The following EHBP1 variants were observed in gnomAD, a reference collection of about 807,000 sequenced individuals.
The protein encoded by EHBP1 is EH domain binding protein 1, also known as EH domain-binding protein 1.
In EHBP1, 55 loss-of-function variants were observed where a neutral mutation model predicts 144.0. The ratio of observed to expected loss-of-function variants is 0.38; its 90% confidence interval spans 0.31 to 0.48. EHBP1 has a LOEUF of 0.48. Ranked by LOEUF, EHBP1 falls within the 20% of genes least tolerant of loss-of-function variation. The pLI is 0.98. For missense variants in EHBP1, 1,200 were observed against 1,364.2 expected (o/e 0.88, Z 1.90); for synonymous variants, 469 against 472.7 (o/e 0.99, Z 0.10).
intron 7 of EHBP1, among the ~76,000 whole-genome samples, chr2:62,847,847 G>A (rs978053087): frequency 6.6e-6 from 1 of 151,948 alleles, no homozygotes; most frequent in African/African-American, 2.4e-5. Flanking sequence ...ACAAAGATTT[G>A]GACATATGGT....
chr2:62,686,465 C>A (rs989593648), intron 1 of EHBP1, among the ~76,000 whole-genome samples: 5 of 152,128 alleles, frequency 3.3e-5, no homozygotes, highest in African/African-American at 9.7e-5. Context: ...CTATCCTGAT[C>A]GCTGAAGCTC....
intron 19 of EHBP1, among the ~76,000 whole-genome samples, chr2:63,005,343 C>T (rs957153492): frequency 2.0e-5 from 3 of 152,154 alleles, no homozygotes; most frequent in African/African-American, 4.8e-5. Flanking sequence ...GAAGCCAGAT[C>T]CCCAGATATA....
chr2:62,725,455 T>A (rs2036674451), intron 2 of EHBP1, among the ~76,000 whole-genome samples: 1 of 152,166 alleles, frequency 6.6e-6, no homozygotes. Flanking sequence ...GCCGTCATGC[T>A]GGTGGTGGTG....
intron 5 of EHBP1, among the ~76,000 whole-genome samples, chr2:62,794,630 A>G (rs974125457): frequency 6.6e-6 from 1 of 151,938 alleles, no homozygotes; most frequent in Non-Finnish European, 1.5e-5. Flanking sequence ...TATGTTTTTT[A>G]AAAAAGTCTC....
At chr2:62,766,356 C>T (rs562497738) in intron 4 of EHBP1, among the ~76,000 whole-genome samples, 1 of 152,016 alleles carries the variant, frequency 6.6e-6, no homozygotes, top group East Asian at 1.9e-4. Flanking sequence ...TCAACTATGG[C>T]AATAGAAATA....
At chr2:62,755,470 C>G (rs1411160376) in intron 3 of EHBP1, among the ~76,000 whole-genome samples, 1 of 151,592 alleles carries the variant, frequency 6.6e-6, no homozygotes, top group Non-Finnish European at 1.5e-5. Flanking sequence ...CATTATTGTA[C>G]AAGTGTCTTT....
chr2:62,903,017 C>G (rs139427812), intron 10 of EHBP1, among the ~76,000 whole-genome samples: 16 of 152,110 alleles, frequency 1.1e-4, no homozygotes, highest in African/African-American at 3.6e-4. Context: ...TATTAGCTCA[C>G]TTGCTAAGTG....
intron 10 of EHBP1, among the ~76,000 whole-genome samples, chr2:62,882,258 G>GT (rs985116359): frequency 1.8e-4 from 27 of 152,044 alleles, no homozygotes; most frequent in Admixed American, 1.8e-3. Flanking sequence ...TATATCACGT[G>GT]TTTTTTTCCC....
At chr2:62,737,702 A>G (rs2152080438) in intron 2 of EHBP1, among the ~76,000 whole-genome samples, 1 of 152,184 alleles carries the variant, frequency 6.6e-6, no homozygotes, top group Middle Eastern at 3.4e-3. Flanking sequence ...CCCACCAGCA[A>G]TGTATGAGGG....
chr2:63,026,112 T>A (rs1220576289), intron 19 of EHBP1, among the ~76,000 whole-genome samples: 1 of 152,184 alleles, frequency 6.6e-6, no homozygotes, highest in Non-Finnish European at 1.5e-5. Flanking sequence ...ACTAACAACT[T>A]CAGACTTGCA....
intron 15 of EHBP1, among the ~76,000 whole-genome samples, chr2:62,979,742 T>C (rs1013065381): frequency 2.6e-5 from 4 of 152,176 alleles, no homozygotes; most frequent in Admixed American, 2.6e-4. Flanking sequence ...AAAGTAACTT[T>C]AACAATATTC....
intron 2 of EHBP1, among the ~76,000 whole-genome samples, chr2:62,735,259 T>C (rs1259117549): frequency 6.6e-6 from 1 of 152,032 alleles, no homozygotes; most frequent in Non-Finnish European, 1.5e-5. Context: ...GGCTTATCAG[T>C]TATACTTCCA....
chr2:62,882,909 A>G (rs2051588640), intron 10 of EHBP1, among the ~76,000 whole-genome samples: 1 of 151,714 alleles, frequency 6.6e-6, no homozygotes, highest in Admixed American at 6.6e-5. Context: ...AAGGAAACAA[A>G]CTTAACAGTG....
At chr2:62,774,143 G>T (rs1479778775) in intron 5 of EHBP1, among the ~76,000 whole-genome samples, 1 of 152,014 alleles carries the variant, frequency 6.6e-6, no homozygotes, top group African/African-American at 2.4e-5. Flanking sequence ...GGCCAAGGCG[G>T]GTGGATCACT....
chr2:62,783,232 C>A (rs189229460), intron 5 of EHBP1, among the ~76,000 whole-genome samples: 167 of 152,332 alleles, frequency 1.1e-3, no homozygotes, highest in African/African-American at 3.6e-3. Flanking sequence ...GTACAGCCCC[C>A]CTCCTGGCTG....
chr2:62,690,967 G>T (rs1407001862), intron 1 of EHBP1, among the ~76,000 whole-genome samples: 9 of 152,214 alleles, frequency 5.9e-5, no homozygotes, highest in Non-Finnish European at 1.5e-5. Context: ...CTAGATGTTT[G>T]CTATTATTGG....
chr2:63,043,917 G>GTTTTT (rs1559110359), intron 21 of EHBP1: 5 of 36,198 alleles, frequency 1.4e-4, no homozygotes, highest in African/African-American at 7.2e-4. Context: ...AGTGGCCATG[G>GTTTTT]TTCTTTTTTT....
At chr2:62,771,213 A>G in intron 4 of EHBP1, 126 bp from the exon 5 acceptor site, 1 of 538,048 alleles carries the variant, frequency 1.9e-6, no homozygotes, top group East Asian at 3.2e-5. Context: ...AGAGTAGGCT[A>G]TTCTGCCTCT....
intron 7 of EHBP1, among the ~76,000 whole-genome samples, chr2:62,841,244 A>G (rs967645081): frequency 1.3e-5 from 2 of 151,612 alleles, no homozygotes; most frequent in Non-Finnish European, 2.9e-5. Flanking sequence ...GCAAGATCAA[A>G]AAACCAAACA....
Sources: gnomAD v4.1 joint callset for allele counts (sites outside exome capture counted in the v4.1 genomes callset) on GRCh38, gnomAD v4.1.1 for gene constraint, MANE v1.5 for transcripts, NCBI Gene and HGNC (gene_info 2026-07-23, HGNC 2026-07-21) for gene names.